VCAN: variants seen among roughly 807,000 people sequenced by gnomAD.
VCAN encodes versican core protein.
Under a neutral mutation model 245.5 loss-of-function variants are expected in VCAN, and 44 were observed. The ratio of observed to expected loss-of-function variants is 0.18; its 90% CI spans 0.14 to 0.23. VCAN has a LOEUF of 0.23. VCAN is among the 10% of genes least tolerant of loss of function. The pLI, the probability that VCAN is intolerant of heterozygous loss-of-function variation, is 1.00. For missense variants in VCAN, 3,793 were observed against 4,057.9 expected (o/e 0.93, Z 1.77); for synonymous variants, 1,413 against 1,437.0 (o/e 0.98, Z 0.38).
At chr5:83,542,372 G>A in intron 8 of VCAN, 104 bp downstream of exon 8, 2 of 1,243,416 alleles carry the variant, frequency 1.6e-6, no homozygotes, top group South Asian at 2.5e-5. Flanking sequence ...AATCAATGGA[G>A]AGTTTCATAT....
intron 1 of VCAN, among the ~76,000 whole-genome samples, chr5:83,481,017 A>T (rs1190957773): frequency 1.3e-5 from 2 of 152,156 alleles, no homozygotes; most frequent in Non-Finnish European, 2.9e-5. Flanking sequence ...GTAGTGACAG[A>T]AAATGAGGTT....
chr5:83,492,817 T>G (rs1580604666), intron 3 of VCAN, among the ~76,000 whole-genome samples: 1 of 152,202 alleles, frequency 6.6e-6, no homozygotes, highest in African/African-American at 2.4e-5. Context: ...TGATAAACAT[T>G]TGAATGGTAC....
chr5:83,497,417 A>AG (rs1187030986), intron 5 of VCAN, among the ~76,000 whole-genome samples: 1 of 152,194 alleles, frequency 6.6e-6, no homozygotes, highest in African/African-American at 2.4e-5. Context: ...GGTGGTGATT[A>AG]TAACAGTTAT....
chr5:83,484,327 A>G (rs1408805113), intron 2 of VCAN, among the ~76,000 whole-genome samples: 4 of 151,416 alleles, frequency 2.6e-5, no homozygotes, highest in African/African-American at 9.7e-5. Context: ...TCCATCCATC[A>G]TCTATCTATT....
chr5:83,543,443 T>A (rs187556338), intron 8 of VCAN, among the ~76,000 whole-genome samples: 12 of 152,336 alleles, frequency 7.9e-5, no homozygotes, highest in Admixed American at 3.3e-4. Context: ...CTTCTGATCA[T>A]ATCAATATTA....
intron 10 of VCAN, among the ~76,000 whole-genome samples, chr5:83,552,505 T>G (rs17205951): frequency 0.097 from 14,691 of 152,238 alleles, 735 homozygotes; most frequent in African/African-American, 0.12. Flanking sequence ...CTATGAACAA[T>G]GCCACTTTCT....
chr5:83,501,983 T>C (rs1179038077), intron 5 of VCAN, among the ~76,000 whole-genome samples: 1 of 152,210 alleles, frequency 6.6e-6, no homozygotes, highest in African/African-American at 2.4e-5. Flanking sequence ...TATTTTGTTC[T>C]TTTCAGAGTA....
At chr5:83,579,230 G>T (rs2112509407) in intron 13 of VCAN, among the ~76,000 whole-genome samples, 1 of 146,106 alleles carries the variant, frequency 6.8e-6, no homozygotes, top group African/African-American at 2.6e-5. Context: ...AGATTGTAAG[G>T]TTTTTTGTTT....
chr5:83,537,685 C>A lies in VCAN; in HGVS notation c.4682C>A (p.Ala1561Asp), dbSNP rs777168963. 2.5e-6 allele frequency: 4 copies of A among 1,613,820 alleles called. No homozygotes were observed. The highest frequency in any genetic ancestry group is 2.5e-6 in the Non-Finnish European group (3 of 1,179,936). Reference sequence around the variant, plus strand: ...ATTGACCAAGAATCTCAGAAAATAGCCTTTGCAAGGGCTACAGAAGTAACA... The same window carrying A: ...ATTGACCAAGAATCTCAGAAAATAGACTTTGCAAGGGCTACAGAAGTAACA... ...IAIDQESQKIAFARATEVTFG... is the reference protein window; with the variant it reads ...IAIDQESQKIDFARATEVTFG... The change falls in exon 8 of 15, where the codon GCC (alanine) becomes GAC (aspartate). Residue 1561 changes from alanine to aspartate, a missense_variant. This residue lies in a region of VCAN where 3,182 missense variants were observed against 3,250.3 expected (regional missense o/e 0.98). Coordinates refer to ENST00000265077, the MANE Select transcript of VCAN (RefSeq NM_004385.5).
At chr5:83,534,644 A>G (rs182572352) in intron 7 of VCAN, among the ~76,000 whole-genome samples, 2 of 152,180 alleles carry the variant, frequency 1.3e-5, no homozygotes, top group East Asian at 3.9e-4. Context: ...AGTTTAAGAT[A>G]TGCACATTTT....
rs1748686224 is a variant in VCAN at position 83,581,817 on chromosome 5, T to G, written c.*1383T>G. 1 of 152,206 alleles carries G rather than the reference T, an allele frequency of 6.6e-6. No homozygotes were observed. The allele number at this position is 152,206 out of a possible 1,614,324, so 9.4% of individuals were successfully genotyped here. A position where few individuals can be genotyped will look rare whatever the true frequency, so the allele number is the denominator to read the frequency against. On this transcript the variant is annotated 3_prime_UTR_variant, in exon 15 of 15. Transcript: ENST00000265077. ...GACTGCTGAAGATGACTTTGAATCC[T>G]TATCCACTTAATTTAATGTTTAAAG...
At position 83,539,303 on chromosome 5, in the gene VCAN, G is replaced by A; in HGVS notation, c.6300G>A (p.Arg2100=). The part of the protein sequence containing the change: ...QTIEPAKLWS[R]QEVNPVRQEI... ...TAGAGCCAGCCAAATTATGGTCTAG[G>A]CAAGAAGTCAACCCTGTAAGACAAG... is the stretch of plus-strand genomic sequence containing the variant. The change falls in exon 8 of 15, where the codon AGG becomes AGA. Residue 2100 remains arginine (R), a synonymous_variant. Coordinates refer to ENST00000265077, the MANE Select transcript of VCAN (RefSeq NM_004385.5). The A allele has an allele frequency of 1.2e-6, 2 of 1,613,992 alleles. No homozygotes were observed. Among genetic ancestry groups the A allele is most frequent in the African/African-American group, 2.7e-5 (2 of 75,018 alleles).
At chr5:83,572,644 T>C (rs1748328704) in intron 13 of VCAN, 84 bp downstream of exon 13, 2 of 1,523,036 alleles carry the variant, frequency 1.3e-6, no homozygotes, top group South Asian at 2.3e-5. Context: ...TCAAATTCAT[T>C]GTTTGAGACA....
At chr5:83,525,349 T>G (rs1286465030) in intron 7 of VCAN, among the ~76,000 whole-genome samples, 1 of 152,134 alleles carries the variant, frequency 6.6e-6, no homozygotes, top group Non-Finnish European at 1.5e-5. Context: ...TTTGTGAACA[T>G]GCATGAAGGC....
chr5:83,529,467 G>T (rs1746438240), intron 7 of VCAN, among the ~76,000 whole-genome samples: 1 of 151,710 alleles, frequency 6.6e-6, no homozygotes, highest in Non-Finnish European at 1.5e-5. Flanking sequence ...TAATTTAAAT[G>T]ATTACTTATA....
Position 83,538,093 on chromosome 5 carries a change from C to T in VCAN, c.5090C>T (p.Ser1697Phe). ...ATTTATCCAGTTTCTGAACAACCTT[C>T]TGCAAAAGTGGTGCCTACCAAGTTT... ...TTIYPVSEQP[S>F]AKVVPTKFVS... The change falls in exon 8 of 15, where the codon TCT becomes TTT. Residue 1697 changes from serine (S) to phenylalanine (F), a missense_variant. Coordinates refer to ENST00000265077, the MANE Select transcript of VCAN (RefSeq NM_004385.5). 6.2e-7 allele frequency: 1 copy of T among 1,614,076 alleles called. No homozygotes were observed. The highest frequency in any genetic ancestry group is 8.5e-7 in the Non-Finnish European group (1 of 1,179,984).
intron 12 of VCAN, among the ~76,000 whole-genome samples, chr5:83,567,784 A>G (rs944432030): frequency 3.9e-5 from 6 of 152,224 alleles, no homozygotes; most frequent in African/African-American, 1.4e-4. Context: ...CAGGGGAATG[A>G]CCAGCATTTA....
chr5:83,547,894 T>TCAC, intron 9 of VCAN, 77 bp from the exon 10 acceptor site: 2 of 1,061,650 alleles, frequency 1.9e-6, no homozygotes, highest in Admixed American at 1.7e-5. Context: ...TTGTATGTTA[T>TCAC]CTTGCAACCT....
At chr5:83,493,443 A>C in intron 3 of VCAN, 103 bp from the exon 4 acceptor site, 1 of 1,350,848 alleles carries the variant, frequency 7.4e-7, no homozygotes, top group Non-Finnish European at 1.1e-6. Context: ...TGATATTATT[A>C]CTATGTATCC....
Sources: allele counts gnomAD v4.1 joint callset (sites outside exome capture counted in the v4.1 genomes callset), GRCh38; gene constraint gnomAD v4.1.1; regional missense constraint gnomAD v4.1.1; transcripts MANE v1.5; gene names NCBI Gene and HGNC (gene_info 2026-07-23, HGNC 2026-07-21).